The following RTTN variants were observed in gnomAD, a reference collection of about 807,000 sequenced individuals.
RTTN encodes rotatin.
RTTN carries 182 observed loss-of-function variants against 269.2 expected under a neutral mutation model. The ratio of observed to expected loss-of-function variants is 0.68; its 90% CI spans 0.60 to 0.76. RTTN has a LOEUF of 0.76. Ranked by LOEUF, RTTN falls within the 30% of genes least tolerant of loss-of-function variation. The probability of loss-of-function intolerance (pLI) is 0.00; values close to 1 mark genes in which losing one functional copy is unlikely to be tolerated. For missense variants in RTTN, 2,545 were observed against 2,608.6 expected (o/e 0.98, Z 0.53); for synonymous variants, 1,006 against 963.5 (o/e 1.04, Z -0.82).
chr18:70,110,291 T>C (rs992934947), intron 27 of RTTN, among the ~76,000 whole-genome samples: 3 of 150,050 alleles, frequency 2.0e-5, no homozygotes, highest in African/African-American at 7.4e-5. Context: ...CAAATAGGAA[T>C]AGCTCCAGTC....
chr18:70,181,888 T>G (rs562981728), intron 10 of RTTN, among the ~76,000 whole-genome samples: 1 of 152,190 alleles, frequency 6.6e-6, no homozygotes, highest in Non-Finnish European at 1.5e-5. Flanking sequence ...AACTGGCACT[T>G]GTACAACAGA....
At chr18:70,036,764 C>G (rs1219570126) in intron 40 of RTTN, among the ~76,000 whole-genome samples, 3 of 152,152 alleles carry the variant, frequency 2.0e-5, no homozygotes, top group African/African-American at 4.8e-5. Flanking sequence ...CTGTCCTCCC[C>G]CAACAGGAAC....
At chr18:70,149,600 T>A (rs1215382358) in intron 16 of RTTN, among the ~76,000 whole-genome samples, 1 of 150,194 alleles carries the variant, frequency 6.7e-6, no homozygotes, top group South Asian at 2.1e-4. Context: ...ACTCTAATCA[T>A]ACATATGCAT....
intron 19 of RTTN, among the ~76,000 whole-genome samples, chr18:70,141,190 A>T (rs1466375592): frequency 2.6e-5 from 4 of 152,128 alleles, no homozygotes; most frequent in African/African-American, 7.2e-5. Flanking sequence ...ATGTTTTTTC[A>T]AATAACTCTC....
At chr18:70,167,209 T>C (rs1599870820) in intron 12 of RTTN, among the ~76,000 whole-genome samples, 178 bp from the exon 13 acceptor site, 2 of 152,234 alleles carry the variant, frequency 1.3e-5, no homozygotes, top group African/African-American at 4.8e-5. Context: ...TGGAGAAATG[T>C]AGGAAAATTC....
intron 29 of RTTN, 110 bp downstream of exon 29, chr18:70,092,566 G>A: frequency 8.0e-7 from 1 of 1,255,248 alleles, no homozygotes; most frequent in African/African-American, 1.5e-5. Flanking sequence ...AAAAAGAAAA[G>A]TCAAAAGAGA....
chr18:70,075,381 T>C lies in RTTN; in HGVS notation c.4535A>G (p.Asp1512Gly). The change falls in exon 33 of 49, where the codon GAT becomes GGT. Residue 1512 changes from aspartate (D) to glycine (G), a missense_variant. Asp to Gly is a moderately conservative substitution (Grantham distance 94, BLOSUM62 -1). Transcript: ENST00000640769. ...CMFDLNFSAF[D>G]RNSESNDLNG... ...TAAATCATTGCTTTCTGAATTTCTA[T>C]CAAAAGCAGAAAAATTCAAATCAAA... 1 of 1,589,638 alleles carries C rather than the reference T, an allele frequency of 6.3e-7. No homozygotes were observed. Among genetic ancestry groups the C allele is most frequent in the Non-Finnish European group, 8.5e-7 (1 of 1,171,068 alleles).
At chr18:70,128,283 G>C in intron 24 of RTTN, 75 bp downstream of exon 24, 1 of 1,299,836 alleles carries the variant, frequency 7.7e-7, no homozygotes, top group African/African-American at 1.5e-5. Flanking sequence ...CTGGACCTAA[G>C]GAAAAAGTAA....
intron 36 of RTTN, among the ~76,000 whole-genome samples, chr18:70,059,369 T>C (rs993742908): frequency 1.3e-5 from 2 of 152,188 alleles, no homozygotes; most frequent in Non-Finnish European, 2.9e-5. Flanking sequence ...TAATTTTTCT[T>C]TGAATTTAAT....
chr18:70,008,777 T>G (rs2056277863), intron 46 of RTTN: 1 of 151,154 alleles, frequency 6.6e-6, no homozygotes, highest in South Asian at 2.1e-4. Flanking sequence ...AAGCAACCTA[T>G]GTTTGACTGG....
At chr18:70,107,430 T>A (rs1023599483) in intron 28 of RTTN, among the ~76,000 whole-genome samples, 1 of 152,218 alleles carries the variant, frequency 6.6e-6, no homozygotes, top group Non-Finnish European at 1.5e-5. Flanking sequence ...TATGCAAAAT[T>A]GTCAGGCCAC....
At chr18:70,169,140 C>CA in intron 11 of RTTN, 73 bp from the exon 12 acceptor site, 4 of 1,120,742 alleles carry the variant, frequency 3.6e-6, no homozygotes, top group Non-Finnish European at 3.7e-6. Flanking sequence ...ACATAGTGGG[C>CA]TATAGTCTTA....
At chr18:70,041,242 A>C (rs1568283330) in intron 40 of RTTN, among the ~76,000 whole-genome samples, 1 of 151,594 alleles carries the variant, frequency 6.6e-6, no homozygotes, top group Non-Finnish European at 1.5e-5. Flanking sequence ...ATAAAAAATA[A>C]AATAAAAATA....
At chr18:70,005,460 A>G (rs2056155484) in intron 47 of RTTN, 193 bp from the exon 48 acceptor site, 2 of 406,372 alleles carry the variant, frequency 4.9e-6, no homozygotes, top group South Asian at 9.0e-5. Context: ...TCTTGCCCAT[A>G]TCCTCTTATC....
chr18:70,072,165 G>A (rs892712697), intron 34 of RTTN, among the ~76,000 whole-genome samples: 2 of 152,070 alleles, frequency 1.3e-5, no homozygotes, highest in Non-Finnish European at 2.9e-5. Context: ...ATTAGGGTAC[G>A]AAGACTATTT....
chr18:70,204,207 C>G lies in RTTN; in HGVS notation c.276G>C (p.Lys92Asn), dbSNP rs1180494475. The G allele has an allele frequency of 2.5e-6, 4 of 1,614,078 alleles. No individual in the cohort carries two copies. The Admixed American group carries it at 6.7e-5, about 27-fold the overall frequency. ...GATTTGGCTCCACATTAGACCGAAG[C>G]TTAGATAAGAACTCTACTGCACCAA... ...VDVGAVEFLS[K>N]LRSNVEPNLQ... The change falls in exon 3 of 49, where the codon AAG (lysine) becomes AAC (asparagine). Residue 92 changes from lysine to asparagine, a missense_variant. Lys to Asn is a moderately conservative substitution (Grantham distance 94). Transcript: ENST00000640769.
chr18:70,188,121 A>G lies in RTTN; in HGVS notation c.1292T>C (p.Phe431Ser), dbSNP rs1316694432. The G allele has an allele frequency of 1.3e-6, 2 of 1,590,826 alleles. No homozygotes were observed. Among genetic ancestry groups the G allele is most frequent in the Admixed American group, 1.7e-5 (1 of 59,938 alleles). ...STDIWDDSSLFGIDMKEKLLL... is the reference protein window; with the variant it reads ...STDIWDDSSLSGIDMKEKLLL... ...ATTGATTCTTACCATATCTATACCA[A>G]AAAGGCTGCTGTCATCCCAGATATC... is the stretch of plus-strand genomic sequence containing the variant. The change falls in exon 10 of 49, where the codon TTT (phenylalanine) becomes TCT (serine). Residue 431 changes from phenylalanine (F) to serine (S), a missense_variant. Phe to Ser is a radical substitution (Grantham distance 155). Coordinates refer to ENST00000640769, the MANE Select transcript of RTTN (RefSeq NM_173630.4).
intron 45 of RTTN, among the ~76,000 whole-genome samples, chr18:70,018,233 T>C (rs978702948): frequency 1.3e-5 from 2 of 152,224 alleles, no homozygotes; most frequent in African/African-American, 2.4e-5. Flanking sequence ...CATTCTATTA[T>C]GCTTACAGAT....
chr18:70,123,833 T>C (rs1311889831), intron 25 of RTTN, among the ~76,000 whole-genome samples: 1 of 152,088 alleles, frequency 6.6e-6, no homozygotes, highest in African/African-American at 2.4e-5. Context: ...TTTTGCCCAC[T>C]GCTATATTTC....
Sources: allele counts gnomAD v4.1 joint callset (sites outside exome capture counted in the v4.1 genomes callset), GRCh38; gene constraint gnomAD v4.1.1; transcripts MANE v1.5; gene names NCBI Gene and HGNC (gene_info 2026-07-23, HGNC 2026-07-21).